The following PARD3B variants were observed in gnomAD, a reference collection of about 807,000 sequenced individuals.
PARD3B encodes partitioning defective 3 homolog B.
Under a neutral mutation model 130.2 loss-of-function variants are expected in PARD3B, and 103 were observed. The observed-to-expected ratio is 0.79, with a 90% CI of 0.67 to 0.93. The LOEUF (loss-of-function observed/expected upper bound fraction) is 0.93, where lower values mean the gene tolerates loss of function less well. Ranked by LOEUF, PARD3B falls within the 40% of genes least tolerant of loss-of-function variation. PARD3B has a pLI of 0.00. For synonymous variants in PARD3B, 583 were observed against 553.2 expected, an observed-to-expected ratio of 1.05 and a Z score of -0.76; for missense variants, 1,609 against 1,499.2, an observed-to-expected ratio of 1.07 and a Z score of -1.21.
intron 18 of PARD3B, among the ~76,000 whole-genome samples, chr2:205,375,860 A>G (rs2105919511): frequency 6.6e-6 from 1 of 152,286 alleles, no homozygotes; most frequent in Middle Eastern, 3.4e-3. Context: ...AAGCCCTTTT[A>G]AATGTTAAGA....
chr2:204,825,555 C>T (rs1016017975), intron 2 of PARD3B, among the ~76,000 whole-genome samples: 4 of 152,308 alleles, frequency 2.6e-5, no homozygotes, highest in East Asian at 3.9e-4. Context: ...AACTTCTTTG[C>T]GAGCTCTTTC....
Position 204,777,143 on chromosome 2 carries a change from T to C in PARD3B, c.222+90861T>C, listed in dbSNP as rs181471605. On this transcript the variant is annotated intron_variant, in intron 2 of 22. Transcript: ENST00000406610. ...GAATTAAAGTCCAGAAAAACAACTTTGAATAAGTTGCACAGAACATTATCA... is the reference window on the plus strand; with the variant it reads ...GAATTAAAGTCCAGAAAAACAACTTCGAATAAGTTGCACAGAACATTATCA... 2.2e-3 allele frequency among the ~76,000 whole-genome samples: 333 copies of C among 152,316 alleles called. 2 individuals carry two copies. The highest frequency in any genetic ancestry group is 7.5e-3 in the African/African-American group (312 of 41,576).
intron 18 of PARD3B, among the ~76,000 whole-genome samples, chr2:205,329,327 G>A (rs2541153): frequency 0.88 from 133,902 of 152,256 alleles, 59,066 homozygotes; most frequent in Admixed American, 0.92. Context: ...TAGTTAAATG[G>A]GTGAAGTAGC....
chr2:205,284,669 C>A (rs1050552635), intron 16 of PARD3B, among the ~76,000 whole-genome samples: 1 of 152,060 alleles, frequency 6.6e-6, no homozygotes, highest in African/African-American at 2.4e-5. Flanking sequence ...GTTTTTTATT[C>A]TTTTAGTGTA....
At chr2:204,788,047 T>G (rs76912759) in intron 2 of PARD3B, among the ~76,000 whole-genome samples, 226 of 152,348 alleles carry the variant, frequency 1.5e-3, no homozygotes, top group African/African-American at 5.1e-3. Flanking sequence ...AACTCCTGAA[T>G]GATGTGTGTG....
chr2:205,151,001 AAC>A (rs2033716728), intron 10 of PARD3B, among the ~76,000 whole-genome samples: 1 of 152,214 alleles, frequency 6.6e-6, no homozygotes, highest in African/African-American at 2.4e-5. Context: ...AAGTGTTCTC[AAC>A]ACACACACAT....
intron 19 of PARD3B, among the ~76,000 whole-genome samples, chr2:205,410,256 G>C (rs2106048317): frequency 6.6e-6 from 1 of 152,192 alleles, no homozygotes. Context: ...TTCAGATTTG[G>C]GATGCTCAAC....
At chr2:205,399,128 G>A (rs902093773) in intron 18 of PARD3B, among the ~76,000 whole-genome samples, 1 of 151,734 alleles carries the variant, frequency 6.6e-6, no homozygotes, top group Non-Finnish European at 1.5e-5. Flanking sequence ...AAATTAGCTG[G>A]GCATGGTGGT....
chr2:205,096,979 A>C (rs1702439314), intron 4 of PARD3B, among the ~76,000 whole-genome samples: 1 of 152,146 alleles, frequency 6.6e-6, no homozygotes, highest in Non-Finnish European at 1.5e-5. Context: ...TACAAGGTAA[A>C]TACAGTTAAT....
At chr2:205,208,395 AG>A (rs1283660069) in intron 15 of PARD3B, among the ~76,000 whole-genome samples, 1 of 137,968 alleles carries the variant, frequency 7.2e-6, no homozygotes, top group African/African-American at 2.9e-5. Flanking sequence ...AAGGAAATAA[AG>A]GGTATTCAAT....
Position 204,863,527 on chromosome 2 carries a change from A to G in PARD3B, c.223-101625A>G, listed in dbSNP as rs57961408. Among the ~76,000 whole-genome samples the G allele has an allele frequency of 8.2e-3, 1,249 of 152,314 alleles. 10 individuals are homozygous for G. Among genetic ancestry groups the G allele is most frequent in the African/African-American group, 0.028 (1,151 of 41,572 alleles). On this transcript the variant is annotated intron_variant, in intron 2 of 22. Coordinates refer to ENST00000406610, the MANE Select transcript of PARD3B (RefSeq NM_001302769.2). ...AAATTGTCACAGCTTTGGTATTTTA[A>G]TATAAATACAGTGTGAGTTAGAACT...
chr2:204,797,174 C>CAAAAAA (rs1162381095), intron 2 of PARD3B, among the ~76,000 whole-genome samples: 2 of 53,016 alleles, frequency 3.8e-5, no homozygotes, highest in Non-Finnish European at 4.1e-5. Context: ...GACTCTGTCT[C>CAAAAAA]AAAAAAAAAA....
chr2:205,535,678 C>T (rs931125737), intron 21 of PARD3B, among the ~76,000 whole-genome samples: 4 of 152,166 alleles, frequency 2.6e-5, no homozygotes, highest in African/African-American at 9.7e-5. Context: ...GTTTCTCTTC[C>T]CTATGAGGCA....
intron 2 of PARD3B, among the ~76,000 whole-genome samples, chr2:204,730,326 C>T (rs976390525): frequency 1.3e-5 from 2 of 152,072 alleles, no homozygotes; most frequent in Non-Finnish European, 2.9e-5. Context: ...ATCTTGGCCT[C>T]CCAAAGTGCT....
chr2:205,133,192 G>A (rs2032172435), intron 10 of PARD3B, among the ~76,000 whole-genome samples: 1 of 152,162 alleles, frequency 6.6e-6, no homozygotes, highest in African/African-American at 2.4e-5. Flanking sequence ...TTACCATGAT[G>A]ACATTTGCAC....
At chr2:204,981,314 C>T (rs897018510) in intron 3 of PARD3B, among the ~76,000 whole-genome samples, 1 of 151,966 alleles carries the variant, frequency 6.6e-6, no homozygotes, top group African/African-American at 2.4e-5. Context: ...TTGGAAACAA[C>T]CTAAATGTCC....
chr2:204,836,083 A>G (rs1468509179), intron 2 of PARD3B, among the ~76,000 whole-genome samples: 1 of 152,262 alleles, frequency 6.6e-6, no homozygotes, highest in Non-Finnish European at 1.5e-5. Context: ...AGCTTTCAAC[A>G]TGAATGAAGT....
At chr2:205,523,243 T>TTATA (rs1210115446) in intron 21 of PARD3B, among the ~76,000 whole-genome samples, 1 of 144,318 alleles carries the variant, frequency 6.9e-6, no homozygotes, top group African/African-American at 2.6e-5. Context: ...ATATATATAT[T>TTATA]TATATATATA....
At chr2:204,826,788 G>C (rs1364160945) in intron 2 of PARD3B, among the ~76,000 whole-genome samples, 2 of 152,156 alleles carry the variant, frequency 1.3e-5, no homozygotes, top group African/African-American at 4.8e-5. Context: ...GGGAGGCTGA[G>C]GTGGGAGGAT....
Sources: gnomAD v4.1 joint callset for allele counts (sites outside exome capture counted in the v4.1 genomes callset) on GRCh38, gnomAD v4.1.1 for gene constraint, MANE v1.5 for transcripts, NCBI Gene and HGNC (gene_info 2026-07-23, HGNC 2026-07-21) for gene names.